DSP: variants seen among roughly 807,000 people sequenced by gnomAD.
The protein encoded by DSP is desmoplakin, also known as 250/210 kDa paraneoplastic pemphigus antigen.
DSP carries 114 observed loss-of-function variants against 290.6 expected under a neutral mutation model. The ratio of observed to expected loss-of-function variants is 0.39; its 90% CI spans 0.34 to 0.46. The LOEUF (loss-of-function observed/expected upper bound fraction) is 0.46, where lower values mean the gene tolerates loss of function less well. Ranked by LOEUF, DSP falls within the 20% of genes least tolerant of loss-of-function variation. The pLI is 0.99. For synonymous variants in DSP, 1,311 were observed against 1,316.4 expected (o/e 1.00, Z 0.09); for missense variants, 3,230 against 3,495.8 (o/e 0.92, Z 1.92).
In DSP at chr6:7,568,040, T is replaced by G; in HGVS notation, c.1266+134T>G. 2.2e-6 allele frequency: 3 copies of G among 1,343,158 alleles called. No homozygotes were observed. The South Asian group carries it at 3.8e-5, about 17-fold the overall frequency. The allele number at this position is 1,343,158 out of a possible 1,614,324, so 83.2% of individuals were successfully genotyped here. A position where few individuals can be genotyped will look rare whatever the true frequency, so the allele number is the denominator to read the frequency against. On this transcript the variant is annotated intron_variant, in intron 10 of 23. Transcript: ENST00000379802. ...GAGCCAAGCAAGCATTTTCTTCAGC[T>G]TCCAGTGGCTTTTCTCAAAATTAAC... is the stretch of plus-strand genomic sequence containing the variant.
Position 7,583,106 on chromosome 6 carries a change from G to A in DSP, c.5844G>A (p.Gly1948=), listed in dbSNP as rs1299864588. ...ATAAACTCAGACAGCGCCCATATGG[G>A]TCCCATCGAGAGACCCAGACTGAGT... ...EIDKLRQRPY[G]SHRETQTECE... The change falls in exon 24 of 24, where the codon GGG becomes GGA. Residue 1948 remains glycine (G), a synonymous_variant. Transcript: ENST00000379802. The surrounding 1 kb of genome is among the most constrained non-coding windows in gnomAD (Gnocchi z 4.0). 1 of 1,614,044 alleles carries A rather than the reference G, an allele frequency of 6.2e-7. No individual in the cohort carries two copies.
chr6:7,581,141 C>T lies in DSP; in HGVS notation c.4951C>T (p.Gln1651Ter). 1 of 1,614,130 alleles carries T rather than the reference C, an allele frequency of 6.2e-7. No homozygotes were observed. Among genetic ancestry groups the T allele is most frequent in the Non-Finnish European group, 8.5e-7 (1 of 1,180,032 alleles). ...CCACCTGAGGGAAAAGCAGAGGACC[C>T]AGGAAGAGCTGAGGAGGCTCTCTTC... is the stretch of plus-strand genomic sequence containing the variant. ...DGHLREKQRT[Q>*]EELRRLSSEV... Residue 1651 changes from glutamine to a stop codon, truncating the protein, a stop_gained, in exon 23 of 24, where the codon CAG becomes TAG. Transcript: ENST00000379802. LOFTEE classifies it high-confidence loss of function.
In DSP at chr6:7,565,740, A is replaced by G; in HGVS notation, c.939+220A>G. 1 of 567,712 alleles carries G rather than the reference A, an allele frequency of 1.8e-6. No homozygotes were observed. 35.2% of individuals were successfully genotyped at this position (567,712 alleles called of 1,614,324 possible). On this transcript the variant is annotated intron_variant, in intron 7 of 23. Transcript: ENST00000379802. The surrounding 1 kb of genome is among the most constrained non-coding windows in gnomAD (Gnocchi z 4.2). ...GCGGGAACAGAAAACCAAATACCAC[A>G]TGTTCTCACTTAGGAGTGGGAACTA...
intron 15 of DSP, 55 bp from the exon 16 acceptor site, chr6:7,574,031 T>C (rs983971538): frequency 7.0e-6 from 11 of 1,582,554 alleles, no homozygotes; most frequent in South Asian, 5.5e-5. Context: ...CTTAAATATA[T>C]ACAGTAATAA....
chr6:7,562,215 CTATT>C (rs1187082076), intron 4 of DSP, among the ~76,000 whole-genome samples: 4 of 152,190 alleles, frequency 2.6e-5, no homozygotes, highest in Admixed American at 6.5e-5. Flanking sequence ...TTTAGGTTGA[CTATT>C]TAGTTTGGGG....
intron 20 of DSP, 29 bp downstream of exon 20, chr6:7,577,071 ATTTCACCAAGATTAT>A: frequency 6.4e-7 from 1 of 1,558,950 alleles, no homozygotes; most frequent in Middle Eastern, 1.7e-4. Flanking sequence ...GAATGTTGGT[ATTTCACCAAGATTAT>A]TATTAACTGC....
chr6:7,543,625 T>C (rs893277559), intron 1 of DSP, among the ~76,000 whole-genome samples: 5 of 152,204 alleles, frequency 3.3e-5, no homozygotes, highest in African/African-American at 1.2e-4. Flanking sequence ...ATCCTTTAAA[T>C]GTGTGGGTTA....
chr6:7,586,184 T>C lies in DSP; in HGVS notation c.*306T>C, dbSNP rs1029913981. The C allele has an allele frequency of 1.4e-5, 4 of 287,810 alleles. 1 individual carries two copies. The Admixed American group carries it at 1.9e-4, about 14-fold the overall frequency. 17.8% of individuals were successfully genotyped at this position (287,810 alleles called of 1,614,324 possible). On this transcript the variant is annotated 3_prime_UTR_variant, in exon 24 of 24. Transcript: ENST00000379802. ...CTGTGTTTCGATTTTTGATCAATTC[T>C]TTAATTTTGGAAGCCTATAATACAG...
chr6:7,542,991 C>T (rs1758056343), intron 1 of DSP, among the ~76,000 whole-genome samples: 1 of 152,072 alleles, frequency 6.6e-6, no homozygotes, highest in Non-Finnish European at 1.5e-5. Flanking sequence ...CTAGGCGCCC[C>T]GGGAAGACCC....
chr6:7,552,739 A>G (rs1284595821), intron 1 of DSP, among the ~76,000 whole-genome samples: 4 of 151,896 alleles, frequency 2.6e-5, no homozygotes, highest in South Asian at 2.1e-4. Flanking sequence ...TAGGATGTCA[A>G]CTGATCTCTA....
At chr6:7,553,406 A>C (rs1179292590) in intron 1 of DSP, among the ~76,000 whole-genome samples, 1 of 152,206 alleles carries the variant, frequency 6.6e-6, no homozygotes, top group Non-Finnish European at 1.5e-5. Flanking sequence ...TCACCTTCGG[A>C]GCCAAATTGC....
At chr6:7,573,060 A>T (rs1370138632) in intron 15 of DSP, among the ~76,000 whole-genome samples, 1 of 151,948 alleles carries the variant, frequency 6.6e-6, no homozygotes, top group East Asian at 1.9e-4. Context: ...GGGAGCTATG[A>T]TTGTACCACT....
chr6:7,583,925 G>A lies in DSP; in HGVS notation c.6663G>A (p.Glu2221=), dbSNP rs771587352. The change falls in exon 24 of 24, where the codon GAG becomes GAA. Residue 2221 remains glutamate (E), a synonymous_variant. Transcript: ENST00000379802. This position sits in a 1 kb window ranked among gnomAD's most constrained non-coding sequence, Gnocchi z 4.0. The part of the protein sequence containing the change: ...QGIRQPVTVT[E]LVDSGILRPS... The stretch of plus-strand genomic sequence containing the variant: ...TCAGACAACCTGTGACCGTCACTGA[G>A]CTAGTAGATTCTGGTATATTGAGAC... 1 of 1,614,130 alleles carries A rather than the reference G, an allele frequency of 6.2e-7. No individual in the cohort carries two copies. Among genetic ancestry groups the A allele is most frequent in the Non-Finnish European group, 8.5e-7 (1 of 1,180,036 alleles).
chr6:7,556,169 G>A (rs1758501822), intron 2 of DSP, among the ~76,000 whole-genome samples: 2 of 152,092 alleles, frequency 1.3e-5, no homozygotes, highest in African/African-American at 4.8e-5. Context: ...CCTGGGTTGG[G>A]ATGGATCTTC....
rs779878192 is a variant in DSP at position 7,577,026 on chromosome 6, G to A, written c.2861G>A (p.Cys954Tyr). The change falls in exon 20 of 24, where the codon TGC becomes TAC. Residue 954 changes from cysteine (C) to tyrosine (Y), a missense_variant. Coordinates refer to ENST00000379802, the MANE Select transcript of DSP (RefSeq NM_004415.4). ...SEEVQKIAEL[C>Y]ANSIKDYELQ... ...GAAGTACAAAAAATTGCTGAACTTT[G>A]CGCCAATTCAATTAAGGTATGTTGG... is the stretch of plus-strand genomic sequence containing the variant. 59 of 1,611,692 alleles carry A rather than the reference G, an allele frequency of 3.7e-5. No individual in the cohort carries two copies. The highest frequency in any genetic ancestry group is 4.9e-5 in the Non-Finnish European group (58 of 1,178,962).
Position 7,565,609 on chromosome 6 carries a change from A to T in DSP, c.939+89A>T, listed in dbSNP as rs1014557211. 3 of 1,526,234 alleles carry T rather than the reference A, an allele frequency of 2.0e-6. No individual in the cohort carries two copies. The highest frequency in any genetic ancestry group is 2.7e-6 in the Non-Finnish European group (3 of 1,108,012). The allele number at this position is 1,526,234 out of a possible 1,614,324, so 94.5% of individuals were successfully genotyped here. A position where few individuals can be genotyped will look rare whatever the true frequency, so the allele number is the denominator to read the frequency against. On this transcript the variant is annotated intron_variant, in intron 7 of 23. Coordinates refer to ENST00000379802, the MANE Select transcript of DSP (RefSeq NM_004415.4). This position sits in a 1 kb window ranked among gnomAD's most constrained non-coding sequence, Gnocchi z 4.2. ...CTCGGGGAATGATTGGTCTATTAAT[A>T]ATTTAATCAGCCACTTGCAATTCAG... is the stretch of plus-strand genomic sequence containing the variant.
intron 13 of DSP, 38 bp from the exon 14 acceptor site, chr6:7,571,345 T>A: frequency 6.2e-7 from 1 of 1,612,896 alleles, no homozygotes; most frequent in Non-Finnish European, 8.5e-7. Flanking sequence ...TGTGGGGCAG[T>A]CATAAATCCC....
At chr6:7,581,686 T>A in intron 23 of DSP, 117 bp downstream of exon 23, 1 of 1,425,530 alleles carries the variant, frequency 7.0e-7, no homozygotes, top group South Asian at 1.3e-5. Flanking sequence ...ATCTAATTTT[T>A]CTTTTTATTG....
Position 7,583,088 on chromosome 6 carries a change from C to T in DSP, c.5826C>T (p.Leu1942=). ...RSRYQREIDK[L]RQRPYGSHRE... ...GATATCAGAGGGAGATTGATAAACT[C>T]AGACAGCGCCCATATGGGTCCCATC... The change falls in exon 24 of 24, where the codon CTC becomes CTT. Residue 1942 remains leucine, a synonymous_variant. Transcript: ENST00000379802. The surrounding 1 kb of genome is among the most constrained non-coding windows in gnomAD (Gnocchi z 4.0). 1.2e-6 allele frequency: 2 copies of T among 1,614,054 alleles called. No homozygotes were observed. Among genetic ancestry groups the T allele is most frequent in the Non-Finnish European group, 1.7e-6 (2 of 1,180,014 alleles).
Sources: gnomAD v4.1 joint callset for allele counts (sites outside exome capture counted in the v4.1 genomes callset) on GRCh38, gnomAD v4.1.1 for gene constraint, Gnocchi (gnomAD v3.1) non-coding constraint, MANE v1.5 for transcripts, NCBI Gene and HGNC (gene_info 2026-07-23, HGNC 2026-07-21) for gene names.